PCDHAC1: variants seen among roughly 807,000 people sequenced by gnomAD.
PCDHAC1 encodes protocadherin alpha-C1.
PCDHAC1 carries 42 observed loss-of-function variants against 60.0 expected under a neutral mutation model. The ratio of observed to expected loss-of-function variants is 0.70; its 90% confidence interval spans 0.55 to 0.90. The LOEUF (loss-of-function observed/expected upper bound fraction) is 0.90. PCDHAC1 is among the 40% of genes least tolerant of loss of function. The pLI, the probability that PCDHAC1 is intolerant of heterozygous loss-of-function variation, is 0.00. For missense variants in PCDHAC1, 1,160 were observed against 1,222.3 expected (o/e 0.95, Z 0.76); for synonymous variants, 468 against 499.3 (o/e 0.94, Z 0.84).
At chr5:140,965,039 C>G (rs1237802301) in intron 1 of PCDHAC1, among the ~76,000 whole-genome samples, 6 of 152,236 alleles carry the variant, frequency 3.9e-5, no homozygotes, top group African/African-American at 1.2e-4. Context: ...ACTGTCCGCT[C>G]TAGGAGGGAA....
intron 1 of PCDHAC1, among the ~76,000 whole-genome samples, chr5:140,975,016 G>C (rs782435284): frequency 6.6e-6 from 1 of 152,128 alleles, no homozygotes; most frequent in Non-Finnish European, 1.5e-5. Context: ...AACACAGCTG[G>C]GCTGTGTTGT....
At chr5:140,975,750 CTA>C (rs2096680444) in intron 1 of PCDHAC1, among the ~76,000 whole-genome samples, 2 of 152,118 alleles carry the variant, frequency 1.3e-5, no homozygotes, top group African/African-American at 4.8e-5. Flanking sequence ...CTCAAATATT[CTA>C]TGTCATAAAT....
intron 1 of PCDHAC1, chr5:140,969,231 C>A (rs782084659): frequency 6.2e-7 from 1 of 1,614,110 alleles, no homozygotes; most frequent in Non-Finnish European, 8.5e-7. Context: ...CCTTCGGGAG[C>A]CCAAGCAGCA....
chr5:140,999,693 AT>A (rs202183337), intron 3 of PCDHAC1, among the ~76,000 whole-genome samples: 13 of 151,522 alleles, frequency 8.6e-5, no homozygotes, highest in African/African-American at 2.4e-4. Flanking sequence ...AAGAAATGTG[AT>A]TTTTTTTTAG....
intron 3 of PCDHAC1, among the ~76,000 whole-genome samples, chr5:141,000,351 G>GTC: frequency 1.5e-5 from 1 of 66,852 alleles, no homozygotes; most frequent in Non-Finnish European, 2.9e-5. Flanking sequence ...CTCTCTCTCT[G>GTC]TCTCTCTCTG....
At chr5:140,973,375 C>A (rs2096584404) in intron 1 of PCDHAC1, among the ~76,000 whole-genome samples, 1 of 152,182 alleles carries the variant, frequency 6.6e-6, no homozygotes, top group Admixed American at 6.5e-5. Context: ...GCACAATGGT[C>A]AGAATAGACA....
At chr5:141,001,509 G>A (rs1025738776) in intron 3 of PCDHAC1, among the ~76,000 whole-genome samples, 3 of 152,212 alleles carry the variant, frequency 2.0e-5, no homozygotes, top group Non-Finnish European at 4.4e-5. Context: ...GGTGGGCTTA[G>A]CTTTCTCCCT....
intron 1 of PCDHAC1, among the ~76,000 whole-genome samples, chr5:140,947,550 G>A (rs967081376): frequency 7.3e-5 from 11 of 151,402 alleles, no homozygotes; most frequent in Admixed American, 3.9e-4. Flanking sequence ...AAAGAATTCC[G>A]CTGGGATTTA....
chr5:140,959,842 C>G (rs1219308136), intron 1 of PCDHAC1, among the ~76,000 whole-genome samples: 2 of 152,118 alleles, frequency 1.3e-5, no homozygotes, highest in African/African-American at 4.8e-5. Context: ...ATGCCTGTAA[C>G]TGCTAAAGGA....
At chr5:140,935,676 A>G (rs1168512325) in intron 1 of PCDHAC1, among the ~76,000 whole-genome samples, 1 of 152,166 alleles carries the variant, frequency 6.6e-6, no homozygotes, top group Non-Finnish European at 1.5e-5. Context: ...TATGTGAAAT[A>G]TTTACATGGC....
At chr5:140,940,894 T>G (rs1364224332) in intron 1 of PCDHAC1, among the ~76,000 whole-genome samples, 1 of 152,240 alleles carries the variant, frequency 6.6e-6, no homozygotes, top group Non-Finnish European at 1.5e-5. Flanking sequence ...AGTAAACCAC[T>G]TTAAATCAAG....
intron 1 of PCDHAC1, among the ~76,000 whole-genome samples, chr5:140,932,550 A>T (rs552367725): frequency 2.6e-5 from 4 of 152,058 alleles, no homozygotes; most frequent in Admixed American, 2.0e-4. Context: ...TTTAACATAC[A>T]TTCCACAAGT....
chr5:140,967,775 G>A, intron 1 of PCDHAC1: 2 of 1,614,200 alleles, frequency 1.2e-6, no homozygotes, highest in South Asian at 2.2e-5. Context: ...CTATGTGCAG[G>A]CGACTGACCG....
intron 1 of PCDHAC1, chr5:140,930,379 G>A (rs1249793792): frequency 1.3e-5 from 2 of 151,896 alleles, no homozygotes; most frequent in African/African-American, 2.4e-5. Context: ...GTGGCCCTTG[G>A]CATTTCAAAA....
chr5:141,009,706 C>G lies in PCDHAC1; in HGVS notation c.2661C>G (p.Gly887=). Reference sequence around the variant, plus strand: ...GCTGGACCTTTAAATACGGACCAGGCAACCCCAAACAATCCGGTCCCGGTG... The same window carrying G: ...GCTGGACCTTTAAATACGGACCAGGGAACCCCAAACAATCCGGTCCCGGTG... ...SNSWTFKYGP[G]NPKQSGPGEL... The change falls in exon 4 of 4, where the codon GGC becomes GGG. Residue 887 remains glycine, a synonymous_variant. Transcript: ENST00000253807. 1 of 1,614,118 alleles carries G rather than the reference C, an allele frequency of 6.2e-7. No homozygotes were observed. Among genetic ancestry groups the G allele is most frequent in the Non-Finnish European group, 8.5e-7 (1 of 1,180,020 alleles).
chr5:140,969,483 G>T (rs531496681), intron 1 of PCDHAC1: 15 of 1,462,254 alleles, frequency 1.0e-5, no homozygotes, highest in Non-Finnish European at 1.3e-5. Context: ...ATCATAATCT[G>T]CTATTTCCTC....
chr5:140,967,154 G>A, intron 1 of PCDHAC1: 2 of 1,610,730 alleles, frequency 1.2e-6, no homozygotes, highest in Non-Finnish European at 1.7e-6. Flanking sequence ...CAACCCCGTG[G>A]CGGTGAGCGC....
chr5:141,010,073 T>C lies in PCDHAC1; in HGVS notation c.*136T>C. On this transcript the variant is annotated 3_prime_UTR_variant, in exon 4 of 4. Coordinates refer to ENST00000253807, the MANE Select transcript of PCDHAC1 (RefSeq NM_018898.5). ...CCTCAGAAATCTGCAGAAAGTTCCC[T>C]GTGTCTGTCTAGAACGCATTTAACA... 6.2e-7 allele frequency: 1 copy of C among 1,606,602 alleles called. No individual in the cohort carries two copies. The highest frequency in any genetic ancestry group is 1.7e-5 in the Admixed American group (1 of 59,096).
intron 3 of PCDHAC1, among the ~76,000 whole-genome samples, chr5:140,997,018 A>G (rs1403831704): frequency 6.6e-6 from 1 of 151,882 alleles, no homozygotes; most frequent in African/African-American, 2.4e-5. Flanking sequence ...ATCCTCCAAT[A>G]TTTTTTTGAA....
Sources: allele counts gnomAD v4.1 joint callset (sites outside exome capture counted in the v4.1 genomes callset), GRCh38; gene constraint gnomAD v4.1.1; transcripts MANE v1.5; gene names NCBI Gene and HGNC (gene_info 2026-07-23, HGNC 2026-07-21).